The following PDZD7 variants were observed in gnomAD, a reference collection of about 807,000 sequenced individuals.
PDZD7 encodes the protein PDZ domain-containing protein 7.
A neutral mutation model predicts 84.7 loss-of-function variants in PDZD7; 72 were observed. The observed-to-expected ratio is 0.85, with a 90% CI of 0.70 to 1.03. The LOEUF (loss-of-function observed/expected upper bound fraction) is 1.03. Ranked by LOEUF, PDZD7 falls within the 50% of genes least tolerant of loss-of-function variation. The probability of loss-of-function intolerance (pLI) is 0.00; values close to 1 mark genes in which losing one functional copy is unlikely to be tolerated. For missense variants in PDZD7, 1,490 were observed against 1,412.9 expected (o/e 1.05, Z -0.87); for synonymous variants, 594 against 580.7 (o/e 1.02, Z -0.33).
chr10:101,018,325 C>T, intron 8 of PDZD7, 29 bp from the exon 9 acceptor site: 4 of 1,608,806 alleles, frequency 2.5e-6, no homozygotes, highest in Non-Finnish European at 3.4e-6. Flanking sequence ...AACGGGGGAG[C>T]TGGAGGGGTG....
chr10:101,015,702 A>G lies in PDZD7; in HGVS notation c.1683T>C (p.Ile561=). ...VQAWESRRPL[I]QDLAQRLLTD... ...TCAGCAGCCTCTGGGCCAGGTCCTGAATGAGGGGCCGCCGGCTCTCCCAGG... is the reference window on the plus strand; with the variant it reads ...TCAGCAGCCTCTGGGCCAGGTCCTGGATGAGGGGCCGCCGGCTCTCCCAGG... Residue 561 remains isoleucine (I), a synonymous_variant, in exon 11 of 17, where the codon ATT becomes ATC. Transcript: ENST00000619208. The G allele has an allele frequency of 1.9e-6, 3 of 1,550,352 alleles. No homozygotes were observed. In the South Asian group the frequency reaches 3.6e-5, roughly 18 times the overall value.
chr10:101,029,803 AT>A (rs1937968172), intron 2 of PDZD7, among the ~76,000 whole-genome samples, 190 bp downstream of exon 2: 1 of 152,114 alleles, frequency 6.6e-6, no homozygotes, highest in Non-Finnish European at 1.5e-5. Context: ...CCCCTGCAGG[AT>A]TGGCCTGGAG....
intron 3 of PDZD7, 60 bp downstream of exon 3, chr10:101,023,868 C>G (rs769224259): frequency 1.2e-6 from 2 of 1,612,974 alleles, no homozygotes; most frequent in Non-Finnish European, 1.7e-6. Flanking sequence ...CATCCCCTGC[C>G]ATTCACTGAG....
Position 101,015,820 on chromosome 10 carries a change from C to G in PDZD7, c.1574-9G>C, listed in dbSNP as rs1420450376. 1 of 1,543,844 alleles carries G rather than the reference C, an allele frequency of 6.5e-7. No homozygotes were observed. The highest frequency in any genetic ancestry group is 1.2e-5 in the South Asian group (1 of 83,738). On this transcript the variant is annotated splice_polypyrimidine_tract_variant and intron_variant, in intron 10 of 16. Transcript: ENST00000619208. The stretch of plus-strand genomic sequence containing the variant: ...CCGGCCCCTCTCCTGGTCTGCAGGG[C>G]AGGAACCATCAGGGGAGGGGAGAGG...
chr10:101,013,635 T>G (rs1852473801), intron 11 of PDZD7, among the ~76,000 whole-genome samples: 1 of 152,214 alleles, frequency 6.6e-6, no homozygotes, highest in Non-Finnish European at 1.5e-5. Flanking sequence ...GCACAGGCTG[T>G]GACTATATGA....
chr10:101,022,261 C>A lies in PDZD7; in HGVS notation c.667G>T (p.Gly223Cys), dbSNP rs1853153331. The stretch of plus-strand genomic sequence containing the variant: ...TCCTTGCCCCCACGGATGTTGAAGC[C>A]CAGGCAGAAGTCGTCGGAGGTTGTG... ...LYTTSDDFCL[G>C]FNIRGGKEFG... is the part of the protein sequence containing the mutation. Residue 223 changes from glycine to cysteine, a missense_variant, in exon 5 of 17, where the codon GGC becomes TGC. By Grantham distance (159) the Gly-to-Cys change is radical (BLOSUM62 -3). Coordinates refer to ENST00000619208, the MANE Select transcript of PDZD7 (RefSeq NM_001195263.2). The A allele has an allele frequency of 6.2e-7, 1 of 1,614,094 alleles. No individual in the cohort carries two copies. The highest frequency in any genetic ancestry group is 8.5e-7 in the Non-Finnish European group (1 of 1,180,060).
chr10:101,009,653 G>C (rs1449859242), intron 15 of PDZD7, among the ~76,000 whole-genome samples: 1 of 131,752 alleles, frequency 7.6e-6, no homozygotes. Context: ...TGTTGCCCAG[G>C]CTGGAGTGCA....
chr10:101,011,400 A>C, intron 14 of PDZD7: 3 of 724,240 alleles, frequency 4.1e-6, no homozygotes, highest in South Asian at 2.5e-5. Context: ...AATGTGTCTA[A>C]GAAAAAATAC....
intron 11 of PDZD7, among the ~76,000 whole-genome samples, chr10:101,014,262 TAGG>T (rs927168846): frequency 2.0e-5 from 3 of 152,044 alleles, no homozygotes; most frequent in Admixed American, 1.3e-4. Flanking sequence ...CCCCAGTCAC[TAGG>T]AGAACTTTAC....
chr10:101,027,988 T>C (rs1048289943), intron 2 of PDZD7, among the ~76,000 whole-genome samples: 1 of 152,328 alleles, frequency 6.6e-6, no homozygotes, highest in Non-Finnish European at 1.5e-5. Flanking sequence ...TGGGATCTCA[T>C]GGGGCCGATG....
chr10:101,018,431 G>A (rs1393891859), intron 8 of PDZD7, 135 bp from the exon 9 acceptor site: 3 of 949,348 alleles, frequency 3.2e-6, no homozygotes, highest in East Asian at 2.6e-5. Flanking sequence ...CGGGGTGAGA[G>A]TGCGGTTCCT....
At position 101,024,083 on chromosome 10, in the gene PDZD7, A is replaced by G. The variant is rs1937583465; in HGVS notation, c.227-15T>C. The G allele has an allele frequency of 6.2e-7, 1 of 1,614,002 alleles. No homozygotes were observed. The highest frequency in any genetic ancestry group is 1.1e-5 in the South Asian group (1 of 91,086). On this transcript the variant is annotated splice_polypyrimidine_tract_variant and intron_variant, in intron 2 of 16. Transcript: ENST00000619208. ...ATCACTGTTGGCTGTGAGGACAGGG[A>G]TTTAGGGATGCCCCCATGTTCATTG...
At chr10:101,029,859 G>A (rs983329350) in intron 2 of PDZD7, 135 bp downstream of exon 2, 24 of 890,468 alleles carry the variant, frequency 2.7e-5, no homozygotes, top group Middle Eastern at 6.9e-4. Flanking sequence ...GTTCCCAGGC[G>A]GCCTGCCACC....
intron 11 of PDZD7, among the ~76,000 whole-genome samples, chr10:101,013,859 T>C (rs1852486665): frequency 6.6e-6 from 1 of 150,756 alleles, no homozygotes; most frequent in Admixed American, 6.6e-5. Flanking sequence ...TTCTTTTTTT[T>C]TTTTTTTTGA....
rs1342713338 is a variant in PDZD7 at position 101,019,099 on chromosome 10, G to A, written c.1047C>T (p.Ile349=). Residue 349 remains isoleucine (I), a synonymous_variant, in exon 8 of 17, where the codon ATC becomes ATT. Coordinates refer to ENST00000619208, the MANE Select transcript of PDZD7 (RefSeq NM_001195263.2). ...TGCCGGGCTCCTCCTGCCCGAGGCA[G>A]ATGTCCATGCGGTCCGACGGCAGGG... The part of the protein sequence containing the change: ...SGSLPSDRMD[I]CLGQEEPGSR... The A allele has an allele frequency of 1.3e-6, 2 of 1,561,716 alleles. No homozygotes were observed. Among genetic ancestry groups the A allele is most frequent in the East Asian group, 2.3e-5 (1 of 42,930 alleles).
chr10:101,030,618 A>T, intron 1 of PDZD7: 1 of 381,510 alleles, frequency 2.6e-6, no homozygotes, highest in Non-Finnish European at 5.0e-6. Context: ...GGGCTGAGTC[A>T]TCTACTCCCG....
In PDZD7 at chr10:101,008,722, G is replaced by T. The variant is rs905399722; in HGVS notation, c.2847C>A (p.Val949=). Residue 949 remains valine, a synonymous_variant, in exon 17 of 17, where the codon GTC becomes GTA. Coordinates refer to ENST00000619208, the MANE Select transcript of PDZD7 (RefSeq NM_001195263.2). ...GTGAGGGCCGTGGGCTGGGCCCGGGGACCCTGACCACAAGCTCCATGGGCT... is the reference window on the plus strand; with the variant it reads ...GTGAGGGCCGTGGGCTGGGCCCGGGTACCCTGACCACAAGCTCCATGGGCT... ...AREPMELVVR[V]PGPSPRPSPS... The T allele has an allele frequency of 3.9e-6, 6 of 1,535,806 alleles. No homozygotes were observed. The highest frequency in any genetic ancestry group is 5.2e-6 in the Non-Finnish European group (6 of 1,146,840).
At chr10:101,013,598 C>T (rs1852472039) in intron 11 of PDZD7, among the ~76,000 whole-genome samples, 1 of 152,192 alleles carries the variant, frequency 6.6e-6, no homozygotes, top group Non-Finnish European at 1.5e-5. Flanking sequence ...CCATGGGGTC[C>T]ATGAAGAGCC....
rs779404413 is a variant in PDZD7 at position 101,021,843 on chromosome 10, G to A, written c.822C>T (p.Ala274=). 22 of 1,613,982 alleles carry A rather than the reference G, an allele frequency of 1.4e-5. No homozygotes were observed. Among genetic ancestry groups the A allele is most frequent in the African/African-American group, 2.7e-5 (2 of 74,894 alleles). The change falls in exon 6 of 17, where the codon GCC becomes GCT. Residue 274 remains alanine (A), a synonymous_variant. Coordinates refer to ENST00000619208, the MANE Select transcript of PDZD7 (RefSeq NM_001195263.2). The stretch of plus-strand genomic sequence containing the variant: ...GCGTTTGGCCCTTCAGCACCTCCAC[G>A]GCCTGGCTGTGGCTGATGTCGTCAA... ...VRFDDISHSQ[A]VEVLKGQTHI... is the part of the protein sequence containing the mutation.
Sources: allele counts gnomAD v4.1 joint callset (sites outside exome capture counted in the v4.1 genomes callset), GRCh38; gene constraint gnomAD v4.1.1; transcripts MANE v1.5; gene names NCBI Gene and HGNC (gene_info 2026-07-23, HGNC 2026-07-21).